Variants in KCNN2 observed in about 807,000 individuals in gnomAD.
KCNN2 encodes the protein small conductance calcium-activated potassium channel protein 2.
In KCNN2, 24 loss-of-function variants were observed where a neutral mutation model predicts 55.5. That is an observed-to-expected ratio of 0.43 (90% CI 0.31 to 0.61). The LOEUF (loss-of-function observed/expected upper bound fraction) is 0.61, where lower values mean the gene tolerates loss of function less well. Among genes scored for constraint, KCNN2 ranks in the 20% least tolerant of loss-of-function variants. KCNN2 has a pLI of 0.08. For missense variants in KCNN2, 754 were observed against 853.6 expected, an observed-to-expected ratio of 0.88 and a Z score of 1.45; for synonymous variants, 431 against 336.1, an observed-to-expected ratio of 1.28 and a Z score of -3.09.
rs147285311 is a variant in KCNN2, at chr5:114,282,822, G to A, written c.-185+61257G>A. Among the ~76,000 whole-genome samples the A allele has an allele frequency of 3.3e-5, 5 of 152,178 alleles. 1 individual carries two copies. The East Asian group carries it at 9.6e-4, about 29-fold the overall frequency. On this transcript the variant is annotated intron_variant, in intron 2 of 10. Transcript: ENST00000512097. ...TGTATGAAGTCATAGTTTTCTTTGT[G>A]GGAAAGGTTTTATTGCATTCAATTA...
chr5:114,278,694 C>T (rs1416796484), intron 2 of KCNN2, among the ~76,000 whole-genome samples: 1 of 152,210 alleles, frequency 6.6e-6, no homozygotes, highest in Non-Finnish European at 1.5e-5. Context: ...GAGGGAATCT[C>T]CTGGTCTGCC....
chr5:114,144,052 C>T (rs2112508779), intron 1 of KCNN2, among the ~76,000 whole-genome samples: 1 of 152,308 alleles, frequency 6.6e-6, no homozygotes, highest in African/African-American at 2.4e-5. Flanking sequence ...AAAACTTCAG[C>T]ACCAGGTAAA....
At chr5:114,128,953 T>G (rs968904025) in intron 1 of KCNN2, among the ~76,000 whole-genome samples, 1 of 152,206 alleles carries the variant, frequency 6.6e-6, no homozygotes, top group Non-Finnish European at 1.5e-5. Context: ...TTATGCTACA[T>G]GTATTGGTCA....
At chr5:114,179,611 C>T (rs1008455730) in intron 1 of KCNN2, among the ~76,000 whole-genome samples, 1 of 152,128 alleles carries the variant, frequency 6.6e-6, no homozygotes, top group Non-Finnish European at 1.5e-5. Context: ...TACTTTTAGA[C>T]AGTGTTTGGA....
chr5:114,192,636 G>T (rs1397248521), intron 1 of KCNN2, among the ~76,000 whole-genome samples: 2 of 152,030 alleles, frequency 1.3e-5, no homozygotes, highest in Non-Finnish European at 2.9e-5. Context: ...AAAGGAGAAG[G>T]TTCTTGTAGC....
intron 1 of KCNN2, among the ~76,000 whole-genome samples, chr5:114,102,284 GT>G (rs961878283): frequency 9.3e-4 from 137 of 147,016 alleles, no homozygotes; most frequent in Non-Finnish European, 1.5e-3. Flanking sequence ...GGAGTTGTTT[GT>G]TTTTTTTTTC....
intron 3 of KCNN2, among the ~76,000 whole-genome samples, chr5:114,424,716 A>G (rs1286525687): frequency 6.6e-6 from 1 of 152,230 alleles, no homozygotes; most frequent in East Asian, 1.9e-4. Context: ...GCATCCTTTA[A>G]TATTCAGTAC....
chr5:114,278,170 G>A (rs193140163), intron 2 of KCNN2, among the ~76,000 whole-genome samples: 1 of 152,310 alleles, frequency 6.6e-6, no homozygotes, highest in Non-Finnish European at 1.5e-5. Flanking sequence ...GGTATCACCA[G>A]TGGAGGCTGC....
chr5:114,236,880 T>G (rs1580647188), intron 2 of KCNN2, among the ~76,000 whole-genome samples: 1 of 152,154 alleles, frequency 6.6e-6, no homozygotes, highest in African/African-American at 2.4e-5. Flanking sequence ...TTTTGGGACT[T>G]AATTTTTCAT....
At chr5:114,284,903 T>C (rs1044104071) in intron 2 of KCNN2, among the ~76,000 whole-genome samples, 2 of 152,068 alleles carry the variant, frequency 1.3e-5, no homozygotes, top group African/African-American at 4.8e-5. Context: ...CAGACAAACT[T>C]TCCAGCCTCT....
At chr5:114,068,863 G>T (rs1750506375) in intron 1 of KCNN2, among the ~76,000 whole-genome samples, 1 of 151,826 alleles carries the variant, frequency 6.6e-6, no homozygotes, top group South Asian at 2.1e-4. Context: ...GCCCAGGCTG[G>T]AGTGCAGTGG....
chr5:114,187,164 T>C (rs112437504), intron 1 of KCNN2, among the ~76,000 whole-genome samples: 4,927 of 152,252 alleles, frequency 0.032, 232 homozygotes, highest in African/African-American at 0.11. Context: ...GTATTCTAGG[T>C]GAGAGACAGA....
At chr5:114,372,145 G>A (rs112430159) in intron 2 of KCNN2, among the ~76,000 whole-genome samples, 2 of 152,174 alleles carry the variant, frequency 1.3e-5, no homozygotes, top group Non-Finnish European at 1.5e-5. Context: ...CAAGACTCCA[G>A]CGTTTAAATT....
chr5:114,085,868 T>G (rs1474824529), intron 1 of KCNN2, among the ~76,000 whole-genome samples: 2 of 152,152 alleles, frequency 1.3e-5, no homozygotes, highest in Non-Finnish European at 2.9e-5. Context: ...GTTCCTTTTT[T>G]AAGTTCTGTT....
intron 1 of KCNN2, among the ~76,000 whole-genome samples, chr5:114,156,097 A>C (rs533916056): frequency 6.6e-6 from 1 of 152,220 alleles, no homozygotes; most frequent in East Asian, 1.9e-4. Flanking sequence ...CATCTTCTGC[A>C]TATGGCTAGC....
intron 2 of KCNN2, among the ~76,000 whole-genome samples, chr5:114,244,773 G>A (rs932829994): frequency 6.6e-6 from 1 of 152,118 alleles, no homozygotes; most frequent in Non-Finnish European, 1.5e-5. Context: ...GTCAATTAAC[G>A]GTGGTATCTG....
intron 1 of KCNN2, among the ~76,000 whole-genome samples, chr5:114,158,097 G>T (rs888955454): frequency 6.6e-6 from 1 of 152,076 alleles, no homozygotes. Context: ...GGCCTGAATG[G>T]TATTGCCTAG....
At chr5:114,136,106 A>C (rs1303944869) in intron 1 of KCNN2, among the ~76,000 whole-genome samples, 1 of 152,224 alleles carries the variant, frequency 6.6e-6, no homozygotes, top group Non-Finnish European at 1.5e-5. Flanking sequence ...ATAGACTCAA[A>C]CCAAAGCATA....
intron 1 of KCNN2, among the ~76,000 whole-genome samples, chr5:114,130,858 G>A (rs1278161568): frequency 1.3e-5 from 2 of 151,936 alleles, no homozygotes; most frequent in South Asian, 2.1e-4. Context: ...TTTATATAAC[G>A]CCTTGCACAG....
Sources: gnomAD v4.1 joint callset for allele counts (sites outside exome capture counted in the v4.1 genomes callset) on GRCh38, gnomAD v4.1.1 for gene constraint, MANE v1.5 for transcripts, NCBI Gene and HGNC (gene_info 2026-07-23, HGNC 2026-07-21) for gene names.